Variants in CARMIL1 observed in about 807,000 individuals in gnomAD.
The protein encoded by CARMIL1 is F-actin-uncapping protein LRRC16A.
Under a neutral mutation model 177.1 loss-of-function variants are expected in CARMIL1, and 90 were observed. The observed-to-expected ratio is 0.51, with a 90% CI of 0.43 to 0.61. CARMIL1 has a LOEUF of 0.61. Ranked by LOEUF, CARMIL1 falls within the 20% of genes least tolerant of loss-of-function variation. CARMIL1 has a pLI of 0.00. For synonymous variants in CARMIL1, 577 were observed against 606.2 expected, an observed-to-expected ratio of 0.95 and a Z score of 0.71; for missense variants, 1,380 against 1,667.0, an observed-to-expected ratio of 0.83 and a Z score of 3.00.
At chr6:25,601,090 G>A (rs1415633085) in intron 33 of CARMIL1, among the ~76,000 whole-genome samples, 1 of 152,154 alleles carries the variant, frequency 6.6e-6, no homozygotes, top group Non-Finnish European at 1.5e-5. Context: ...TGAGATAAGT[G>A]GGGGTTCATT....
intron 11 of CARMIL1, among the ~76,000 whole-genome samples, chr6:25,479,932 G>A (rs1437704851): frequency 1.3e-5 from 2 of 151,980 alleles, no homozygotes; most frequent in Non-Finnish European, 2.9e-5. Flanking sequence ...TATTGCTTAA[G>A]TTATAATTAT....
At chr6:25,617,068 C>T (rs1289553408) in intron 36 of CARMIL1, among the ~76,000 whole-genome samples, 1 of 152,102 alleles carries the variant, frequency 6.6e-6, no homozygotes, top group Non-Finnish European at 1.5e-5. Flanking sequence ...AAGTCGCCAC[C>T]ATAGTGAAAT....
At chr6:25,512,474 T>C (rs1805550054) in intron 20 of CARMIL1, among the ~76,000 whole-genome samples, 1 of 152,184 alleles carries the variant, frequency 6.6e-6, no homozygotes, top group Non-Finnish European at 1.5e-5. Flanking sequence ...ATTGGTAATA[T>C]GGAAAATAAT....
intron 2 of CARMIL1, among the ~76,000 whole-genome samples, chr6:25,369,507 A>G (rs1407012435): frequency 6.6e-6 from 1 of 151,078 alleles, no homozygotes; most frequent in East Asian, 1.9e-4. Flanking sequence ...AGCTGTCTGG[A>G]TCTAGCTTGT....
At chr6:25,592,526 A>G (rs563810284) in intron 31 of CARMIL1, among the ~76,000 whole-genome samples, 1 of 152,318 alleles carries the variant, frequency 6.6e-6, no homozygotes, top group Admixed American at 6.5e-5. Flanking sequence ...AATATAAAGC[A>G]CCATTCAGAT....
At chr6:25,538,193 G>T (rs1026458777) in intron 25 of CARMIL1, among the ~76,000 whole-genome samples, 1 of 152,186 alleles carries the variant, frequency 6.6e-6, no homozygotes, top group Admixed American at 6.5e-5. Context: ...GAGGGCCAGT[G>T]TGATTCACAG....
intron 29 of CARMIL1, among the ~76,000 whole-genome samples, chr6:25,576,613 A>G (rs760638933): frequency 6.6e-5 from 10 of 152,196 alleles, no homozygotes; most frequent in Non-Finnish European, 1.2e-4. Context: ...TGCTCTGTCC[A>G]TTATATGCTT....
chr6:25,510,794 CT>C (rs1562232926), intron 20 of CARMIL1, 32 bp downstream of exon 20: 1 of 1,323,192 alleles, frequency 7.6e-7, no homozygotes, highest in Non-Finnish European at 1.1e-6. Flanking sequence ...TTACTAAAAT[CT>C]TCTGTTTGTT....
intron 2 of CARMIL1, among the ~76,000 whole-genome samples, chr6:25,349,142 G>A (rs1787846686): frequency 6.6e-6 from 1 of 152,240 alleles, no homozygotes; most frequent in South Asian, 2.1e-4. Flanking sequence ...CAGGGCGCAA[G>A]GTGGGAACCA....
At chr6:25,289,654 T>C (rs1245505420) in intron 2 of CARMIL1, among the ~76,000 whole-genome samples, 4 of 152,224 alleles carry the variant, frequency 2.6e-5, no homozygotes, top group South Asian at 2.1e-4. Context: ...TCCATTTCTA[T>C]AAATTTGTCA....
intron 2 of CARMIL1, among the ~76,000 whole-genome samples, chr6:25,417,999 A>G (rs1214380778): frequency 6.6e-6 from 1 of 152,118 alleles, no homozygotes; most frequent in Non-Finnish European, 1.5e-5. Context: ...CACAGGACAC[A>G]TCCACCAGGG....
In CARMIL1 at chr6:25,506,317, C is replaced by A. The variant is rs192537867; in HGVS notation, c.1396-3339C>A. On this transcript the variant is annotated intron_variant, in intron 17 of 36. Transcript: ENST00000329474. ...ATCCCAGCACTTTGGGAGGCCAAGG[C>A]AGGCAGATCGCTTGAGGTCAGGAGT... Among the ~76,000 whole-genome samples the A allele has an allele frequency of 6.7e-3, 1,020 of 152,336 alleles. 7 individuals carry two copies. The highest frequency in any genetic ancestry group is 0.031 in the Middle Eastern group (9 of 294).
chr6:25,291,649 A>AT (rs34481770), intron 2 of CARMIL1, among the ~76,000 whole-genome samples: 32 of 150,586 alleles, frequency 2.1e-4, no homozygotes, highest in South Asian at 4.2e-4. Flanking sequence ...GTTTAAAACA[A>AT]TTTTTTTTTT....
intron 31 of CARMIL1, among the ~76,000 whole-genome samples, chr6:25,589,988 A>G (rs1282997750): frequency 1.3e-5 from 2 of 152,220 alleles, no homozygotes; most frequent in African/African-American, 2.4e-5. Context: ...CGGAAGTCCT[A>G]GTATACTTCC....
At chr6:25,614,327 TG>T (rs1816733823) in intron 36 of CARMIL1, among the ~76,000 whole-genome samples, 1 of 152,206 alleles carries the variant, frequency 6.6e-6, no homozygotes, top group Non-Finnish European at 1.5e-5. Context: ...TTGTTTGGGC[TG>T]GGTAGCTCCT....
At chr6:25,307,604 G>A (rs891618976) in intron 2 of CARMIL1, among the ~76,000 whole-genome samples, 1 of 152,154 alleles carries the variant, frequency 6.6e-6, no homozygotes, top group Non-Finnish European at 1.5e-5. Context: ...ATTTCTCTTG[G>A]TTATGGAATG....
chr6:25,388,613 C>G (rs1792421459), intron 2 of CARMIL1, among the ~76,000 whole-genome samples: 1 of 152,146 alleles, frequency 6.6e-6, no homozygotes. Flanking sequence ...ATCCACCTGC[C>G]TTGGCCTCCC....
At chr6:25,430,610 T>A (rs1442608327) in intron 4 of CARMIL1, among the ~76,000 whole-genome samples, 1 of 151,992 alleles carries the variant, frequency 6.6e-6, no homozygotes, top group Non-Finnish European at 1.5e-5. Context: ...GTGTATTTTT[T>A]CCTAGAGACA....
At chr6:25,382,884 C>T (rs545206054) in intron 2 of CARMIL1, among the ~76,000 whole-genome samples, 1 of 152,350 alleles carries the variant, frequency 6.6e-6, no homozygotes, top group African/African-American at 2.4e-5. Flanking sequence ...ATCTGCCTGC[C>T]TGGGCCTCCC....
Sources: allele counts gnomAD v4.1 joint callset (sites outside exome capture counted in the v4.1 genomes callset), GRCh38; gene constraint gnomAD v4.1.1; transcripts MANE v1.5; gene names NCBI Gene and HGNC (gene_info 2026-07-23, HGNC 2026-07-21).